Variants in ADAMTS2 observed in about 807,000 individuals in gnomAD.
ADAMTS2 encodes the protein ADAM metallopeptidase with thrombospondin type 1 motif 2, also known as A disintegrin and metalloproteinase with thrombospondin motifs 2.
In ADAMTS2, 50 loss-of-function variants were observed where a neutral mutation model predicts 123.0. The ratio of observed to expected loss-of-function variants is 0.41; its 90% CI spans 0.32 to 0.51. ADAMTS2 has a LOEUF of 0.51. Ranked by LOEUF, ADAMTS2 falls within the 20% of genes least tolerant of loss-of-function variation. The probability of loss-of-function intolerance (pLI) is 0.35; values close to 1 mark genes in which losing one functional copy is unlikely to be tolerated. For missense variants in ADAMTS2, 1,494 were observed against 1,705.2 expected, an observed-to-expected ratio of 0.88 and a Z score of 2.18; for synonymous variants, 678 against 695.4, an observed-to-expected ratio of 0.98 and a Z score of 0.39.
chr5:179,252,229 C>T (rs1307394848), intron 3 of ADAMTS2, among the ~76,000 whole-genome samples: 3 of 151,956 alleles, frequency 2.0e-5, no homozygotes, highest in Admixed American at 6.6e-5. Context: ...GGGCTGGTCT[C>T]GAACCCCTGA....
intron 3 of ADAMTS2, among the ~76,000 whole-genome samples, chr5:179,265,072 C>A (rs568815030): frequency 1.3e-4 from 19 of 147,568 alleles, no homozygotes; most frequent in Admixed American, 8.8e-4. Context: ...CTGCCCGCTG[C>A]CCACCCCACT....
At chr5:179,224,536 T>C (rs147764476) in intron 3 of ADAMTS2, among the ~76,000 whole-genome samples, 185 of 152,328 alleles carry the variant, frequency 1.2e-3, no homozygotes, top group African/African-American at 4.2e-3. Context: ...TTGGCTTGTC[T>C]TTTGCTTATT....
chr5:179,328,236 G>A (rs911565602), intron 2 of ADAMTS2, among the ~76,000 whole-genome samples: 31 of 152,344 alleles, frequency 2.0e-4, no homozygotes, highest in African/African-American at 7.2e-4. Flanking sequence ...GTTTCACCGT[G>A]TTAGCCAGGA....
chr5:179,245,602 T>C (rs377417425), intron 3 of ADAMTS2, among the ~76,000 whole-genome samples: 3 of 148,646 alleles, frequency 2.0e-5, no homozygotes, highest in South Asian at 2.1e-4. Context: ...CCGTCTCTAC[T>C]AAAAATACAA....
In ADAMTS2 at chr5:179,295,340, G is replaced by A. The variant is rs561795262; in HGVS notation, c.535-22276C>T. Among the ~76,000 whole-genome samples the A allele has an allele frequency of 8.5e-5, 13 of 152,288 alleles. No homozygotes were observed. The East Asian group carries it at 2.5e-3, about 29-fold the overall frequency. ...CTCCTGGCTCTCCCTGGGTGAAGGG[G>A]GGCACCGACAGGAAACCAGGGCTGG... On this transcript the variant is annotated intron_variant, in intron 2 of 21. Coordinates refer to ENST00000251582, the MANE Select transcript of ADAMTS2 (RefSeq NM_014244.5).
intron 15 of ADAMTS2, among the ~76,000 whole-genome samples, chr5:179,131,306 C>CAAAAA (rs553125844): frequency 1.3e-4 from 3 of 22,674 alleles, no homozygotes; most frequent in African/African-American, 2.5e-4. Flanking sequence ...GAGCGAGACT[C>CAAAAA]AAAAAAAAAA....
At chr5:179,288,625 C>T (rs1194057930) in intron 2 of ADAMTS2, among the ~76,000 whole-genome samples, 4 of 152,212 alleles carry the variant, frequency 2.6e-5, no homozygotes, top group East Asian at 1.9e-4. Flanking sequence ...GGACAGCAGC[C>T]GCCAGGGCCC....
intron 2 of ADAMTS2, among the ~76,000 whole-genome samples, chr5:179,333,587 T>C (rs903118253): frequency 6.2e-5 from 9 of 145,102 alleles, no homozygotes; most frequent in Admixed American, 4.5e-4. Context: ...ACAGATTTGG[T>C]TTTTTTCTGT....
rs1756745118 is a variant in ADAMTS2, at chr5:179,308,755, T to C, written c.534+35012A>G. On this transcript the variant is annotated intron_variant, in intron 2 of 21. Coordinates refer to ENST00000251582, the MANE Select transcript of ADAMTS2 (RefSeq NM_014244.5). This position sits in a 1 kb window ranked among gnomAD's most constrained non-coding sequence, Gnocchi z 6.6. The stretch of plus-strand genomic sequence containing the variant: ...AGTGGAAGCAGGGCGCGGGCTGCCA[T>C]GGAACCCCACCCTCCTGCAGGTTCC... Among the ~76,000 whole-genome samples, 1 of 152,156 alleles carries C rather than the reference T, an allele frequency of 6.6e-6. No homozygotes were observed. The highest frequency in any genetic ancestry group is 6.5e-5 in the Admixed American group (1 of 15,284).
At chr5:179,235,494 C>A (rs899192527) in intron 3 of ADAMTS2, among the ~76,000 whole-genome samples, 9 of 152,180 alleles carry the variant, frequency 5.9e-5, no homozygotes, top group Admixed American at 3.3e-4. Flanking sequence ...GACCCCAAAT[C>A]GAATGAGCGA....
Position 179,128,343 on chromosome 5 carries a change from C to T in ADAMTS2, c.2458-225G>A, listed in dbSNP as rs1195787674. ...CCTCTGTCTCAACATTTTTGTTACCCGATCAATATATAACCTTGTTTTATG... is the reference window on the plus strand; with the variant it reads ...CCTCTGTCTCAACATTTTTGTTACCTGATCAATATATAACCTTGTTTTATG... On this transcript the variant is annotated intron_variant, in intron 16 of 21. Coordinates refer to ENST00000251582, the MANE Select transcript of ADAMTS2 (RefSeq NM_014244.5). The surrounding 1 kb of genome is among the most constrained non-coding windows in gnomAD (Gnocchi z 4.9). Among the ~76,000 whole-genome samples, 5 of 152,154 alleles carry T rather than the reference C, an allele frequency of 3.3e-5. No homozygotes were observed. Among genetic ancestry groups the T allele is most frequent in the Non-Finnish European group, 5.9e-5 (4 of 68,022 alleles).
At chr5:179,265,446 AG>A (rs1766342509) in intron 3 of ADAMTS2, among the ~76,000 whole-genome samples, 1 of 152,090 alleles carries the variant, frequency 6.6e-6, no homozygotes. Context: ...GACGCCGTGG[AG>A]GGGGAGCACA....
intron 2 of ADAMTS2, among the ~76,000 whole-genome samples, chr5:179,294,082 C>G (rs1264226812): frequency 2.0e-5 from 3 of 151,954 alleles, no homozygotes; most frequent in Non-Finnish European, 4.4e-5. Context: ...ATAGTGAGGC[C>G]TCATCTCTAC....
At chr5:179,199,838 T>C (rs954699656) in intron 4 of ADAMTS2, among the ~76,000 whole-genome samples, 1 of 152,208 alleles carries the variant, frequency 6.6e-6, no homozygotes, top group Admixed American at 6.5e-5. Context: ...AGCTAAATGC[T>C]CTAATATTTG....
At chr5:179,183,433 C>T (rs1242642455) in intron 4 of ADAMTS2, among the ~76,000 whole-genome samples, 1 of 152,214 alleles carries the variant, frequency 6.6e-6, no homozygotes, top group Non-Finnish European at 1.5e-5. Flanking sequence ...TCATACAGAA[C>T]AGTCCTGACA....
chr5:179,154,592 G>A (rs113799563), intron 7 of ADAMTS2, among the ~76,000 whole-genome samples: 4 of 152,226 alleles, frequency 2.6e-5, no homozygotes, highest in African/African-American at 9.6e-5. Context: ...GGCCCAGAGC[G>A]CCTGCTCAGT....
chr5:179,269,479 G>C lies in ADAMTS2; in HGVS notation c.688+3432C>G, dbSNP rs550495838. 1.1e-4 allele frequency among the ~76,000 whole-genome samples: 17 copies of C among 152,212 alleles called. No individual in the cohort carries two copies. The South Asian group carries it at 1.9e-3, about 17-fold the overall frequency. ...CCGAGAGAGAGAGAGCTTGTGCAGG[G>C]CAACTCCCGTTTTTAAAACCCTCAG... is the stretch of plus-strand genomic sequence containing the variant. On this transcript the variant is annotated intron_variant, in intron 3 of 21. Transcript: ENST00000251582.
chr5:179,259,290 G>A (rs1018131060), intron 3 of ADAMTS2, among the ~76,000 whole-genome samples: 6 of 152,292 alleles, frequency 3.9e-5, no homozygotes, highest in Middle Eastern at 3.4e-3. Flanking sequence ...CAGTGACTGC[G>A]GGCTCACTCT....
intron 3 of ADAMTS2, among the ~76,000 whole-genome samples, chr5:179,237,319 C>A (rs186217626): frequency 6.6e-6 from 1 of 152,314 alleles, no homozygotes; most frequent in East Asian, 1.9e-4. Context: ...CCAGAGAGCT[C>A]TCTTGCCCCT....
Sources: allele counts gnomAD v4.1 joint callset (sites outside exome capture counted in the v4.1 genomes callset), GRCh38; gene constraint gnomAD v4.1.1; non-coding constraint Gnocchi (gnomAD v3.1); transcripts MANE v1.5; gene names NCBI Gene and HGNC (gene_info 2026-07-23, HGNC 2026-07-21).